Variants in USH2A observed in about 807,000 individuals in gnomAD.
USH2A encodes usherin, also known as Usher syndrome 2A (autosomal recessive, mild).
In USH2A, 443 loss-of-function variants were observed where a neutral mutation model predicts 538.9. That is an observed-to-expected ratio of 0.82 (90% confidence interval 0.76 to 0.89). USH2A has a LOEUF of 0.89. Among genes scored for constraint, USH2A ranks in the 40% least tolerant of loss-of-function variants. The pLI is 0.00. For synonymous variants in USH2A, 2,413 were observed against 2,273.5 expected (o/e 1.06, Z -1.75); for missense variants, 6,633 against 6,324.8 (o/e 1.05, Z -1.65).
At chr1:215,780,552 T>C (rs1661603517) in intron 54 of USH2A, among the ~76,000 whole-genome samples, 1 of 152,222 alleles carries the variant, frequency 6.6e-6, no homozygotes, top group African/African-American at 2.4e-5. Flanking sequence ...TTATAGTGTC[T>C]GCACCAACTT....
At position 215,779,942 on chromosome 1, in the gene USH2A, C is replaced by T; in HGVS notation, c.10840G>A (p.Glu3614Lys). The T allele has an allele frequency of 1.2e-6, 2 of 1,614,122 alleles. No homozygotes were observed. Among genetic ancestry groups the T allele is most frequent in the Non-Finnish European group, 1.7e-6 (2 of 1,180,022 alleles). ...TCTTTAATGACGCCGTTTGATTTCT[C>T]AGGGACACTCCAGCTCAGATGCAGA... The part of the protein sequence containing the change: ...VALHLSWSVP[E>K]KSNGVIKEYQ... Residue 3614 changes from glutamate (E) to lysine (K), a missense_variant, in exon 55 of 72, where the codon GAG (glutamate) becomes AAG (lysine). Physicochemically the swap from Glu to Lys is moderately conservative, Grantham distance 56 (BLOSUM62 1). Transcript: ENST00000307340.
At chr1:215,767,234 A>T (rs796070837) in intron 55 of USH2A, among the ~76,000 whole-genome samples, 1 of 152,154 alleles carries the variant, frequency 6.6e-6, no homozygotes, top group Non-Finnish European at 1.5e-5. Flanking sequence ...GAACAAATCT[A>T]ATTTCTTTTC....
intron 15 of USH2A, among the ~76,000 whole-genome samples, chr1:216,211,180 A>G (rs948584434): frequency 6.6e-6 from 1 of 152,088 alleles, no homozygotes; most frequent in African/African-American, 2.4e-5. Flanking sequence ...TAAATCAGTA[A>G]AAATAAGTGC....
chr1:216,341,734 A>C (rs147723770), intron 4 of USH2A, among the ~76,000 whole-genome samples: 2 of 152,278 alleles, frequency 1.3e-5, no homozygotes, highest in African/African-American at 4.8e-5. Flanking sequence ...GTACAAAAAC[A>C]AGCAATGGGG....
In USH2A at chr1:216,281,322, A is replaced by G. The variant is rs914035100; in HGVS notation, c.1971+7958T>C. ...AAAATTCTCCTTTTTTTCTGACTAT[A>G]AAAGTTATAAATAAAGCAGATTTGG... On this transcript the variant is annotated intron_variant, in intron 11 of 71. Coordinates refer to ENST00000307340, the MANE Select transcript of USH2A (RefSeq NM_206933.4). Among the ~76,000 whole-genome samples the G allele has an allele frequency of 4.6e-5, 7 of 152,288 alleles. No homozygotes were observed. In the South Asian group the frequency reaches 1.2e-3, roughly 27 times the overall value.
intron 8 of USH2A, among the ~76,000 whole-genome samples, chr1:216,322,382 C>T (rs1238006725): frequency 1.3e-5 from 2 of 151,830 alleles, no homozygotes; most frequent in Admixed American, 1.3e-4. Context: ...GCGGGTAGAT[C>T]ACTTGAGGTC....
At chr1:216,398,681 T>C (rs918193961) in intron 3 of USH2A, among the ~76,000 whole-genome samples, 1 of 152,086 alleles carries the variant, frequency 6.6e-6, no homozygotes, top group Non-Finnish European at 1.5e-5. Flanking sequence ...TAGTTTTTGA[T>C]TCCCTTTCAC....
chr1:216,246,637 C>A lies in USH2A; in HGVS notation c.2757G>T (p.Gln919His). 6.2e-7 allele frequency: 1 copy of A among 1,614,120 alleles called. No individual in the cohort carries two copies. The highest frequency in any genetic ancestry group is 8.5e-7 in the Non-Finnish European group (1 of 1,179,972). ...CTTGACGATTAGGCACACACAGGCA[C>A]TGGCCACTGATTGGGTCACAAATGG... Reference protein sequence around the residue: ...PGTICDPISGQCLCVPNRQGR... With the variant: ...PGTICDPISGHCLCVPNRQGR... The change falls in exon 13 of 72, where the codon CAG becomes CAT. Residue 919 changes from glutamine (Q) to histidine (H), a missense_variant. Physicochemically the swap from Gln to His is conservative, Grantham distance 24. Coordinates refer to ENST00000307340, the MANE Select transcript of USH2A (RefSeq NM_206933.4).
chr1:215,790,008 TTC>T (rs1661934751), intron 51 of USH2A, 49 bp downstream of exon 51: 1 of 1,533,974 alleles, frequency 6.5e-7, no homozygotes. Context: ...AACAATGTAT[TTC>T]TCTTTCCATT....
rs746932074 is a variant in USH2A at position 215,817,180 on chromosome 1, A to C, written c.9387T>G (p.Asp3129Glu). ...CATTTGGCTTCCGTGGAGACACCCAATCAATTTGAAGAGATCTGCAACAGA... is the reference window on the plus strand; with the variant it reads ...CATTTGGCTTCCGTGGAGACACCCACTCAATTTGAAGAGATCTGCAACAGA... The part of the protein sequence containing the change: ...RGITSRSLQI[D>E]WVSPRKPNGI... The change falls in exon 48 of 72, where the codon GAT becomes GAG. Residue 3129 changes from aspartate to glutamate, a missense_variant. By Grantham distance (45) the Asp-to-Glu change is conservative. Coordinates refer to ENST00000307340, the MANE Select transcript of USH2A (RefSeq NM_206933.4). 3.7e-6 allele frequency: 6 copies of C among 1,612,044 alleles called. No homozygotes were observed. The African/African-American group carries it at 6.7e-5, about 18-fold the overall frequency.
intron 40 of USH2A, among the ~76,000 whole-genome samples, chr1:215,891,858 C>T (rs1571786909): frequency 2.0e-5 from 3 of 152,228 alleles, no homozygotes; most frequent in South Asian, 2.1e-4. Flanking sequence ...AACCTTACAG[C>T]GCTCTCCGTG....
At chr1:215,826,246 A>G (rs1434492162) in intron 47 of USH2A, among the ~76,000 whole-genome samples, 1 of 152,196 alleles carries the variant, frequency 6.6e-6, no homozygotes. Flanking sequence ...TCCAGCAGGA[A>G]GAGTCTTTGG....
intron 3 of USH2A, among the ~76,000 whole-genome samples, chr1:216,404,713 C>G (rs565391859): frequency 2.0e-5 from 3 of 150,478 alleles, no homozygotes; most frequent in Non-Finnish European, 4.4e-5. Flanking sequence ...CCTCAACTTC[C>G]TGAGGTCAGG....
chr1:216,186,351 G>A (rs147278667), intron 20 of USH2A, among the ~76,000 whole-genome samples: 6 of 151,708 alleles, frequency 4.0e-5, no homozygotes, highest in East Asian at 3.9e-4. Flanking sequence ...CAGTGACCTC[G>A]CATCCATTTT....
intron 13 of USH2A, among the ~76,000 whole-genome samples, chr1:216,234,655 C>A (rs1022565077): frequency 6.6e-6 from 1 of 151,900 alleles, no homozygotes; most frequent in Non-Finnish European, 1.5e-5. Context: ...GGATAAATTA[C>A]CCATTAGCAC....
intron 14 of USH2A, among the ~76,000 whole-genome samples, chr1:216,226,545 A>G (rs1015737581): frequency 6.6e-6 from 1 of 152,136 alleles, no homozygotes; most frequent in Admixed American, 6.5e-5. Flanking sequence ...AAAGCAGTCT[A>G]TTGTCTCTGG....
At chr1:216,309,954 T>C (rs1343427251) in intron 9 of USH2A, among the ~76,000 whole-genome samples, 1 of 152,130 alleles carries the variant, frequency 6.6e-6, no homozygotes, top group South Asian at 2.1e-4. Flanking sequence ...ATTTTGAATA[T>C]TTTGTTGAGA....
chr1:215,997,611 C>T (rs965449543), intron 34 of USH2A, among the ~76,000 whole-genome samples: 1 of 152,004 alleles, frequency 6.6e-6, no homozygotes, highest in Non-Finnish European at 1.5e-5. Context: ...AATTGATTGA[C>T]TGCACAGCAC....
chr1:216,314,864 AC>A (rs2037479019), intron 9 of USH2A, among the ~76,000 whole-genome samples: 1 of 152,210 alleles, frequency 6.6e-6, no homozygotes, highest in Non-Finnish European at 1.5e-5. Flanking sequence ...AGGCTTGGCT[AC>A]CCTTGCAGGT....
Sources: allele counts gnomAD v4.1 joint callset (sites outside exome capture counted in the v4.1 genomes callset), GRCh38; gene constraint gnomAD v4.1.1; transcripts MANE v1.5; gene names NCBI Gene and HGNC (gene_info 2026-07-23, HGNC 2026-07-21).